The following SOS2 variants were observed in gnomAD, a reference collection of about 807,000 sequenced individuals.
SOS2 encodes the protein son of sevenless homolog 2.
In SOS2, 65 loss-of-function variants were observed where a neutral mutation model predicts 148.2. The ratio of observed to expected loss-of-function variants is 0.44; its 90% CI spans 0.36 to 0.54. The LOEUF is 0.54. Ranked by LOEUF, SOS2 falls within the 20% of genes least tolerant of loss-of-function variation. The pLI, the probability that SOS2 is intolerant of heterozygous loss-of-function variation, is 0.00. For missense variants in SOS2, 1,341 were observed against 1,590.2 expected (o/e 0.84, Z 2.67); for synonymous variants, 539 against 537.1 (o/e 1.00, Z -0.05).
chr14:50,215,632 T>C (rs900030725), intron 1 of SOS2: 2 of 219,412 alleles, frequency 9.1e-6, no homozygotes, highest in Non-Finnish European at 1.5e-5. Flanking sequence ...ATAAATAGAA[T>C]TGTTAGTGGG....
intron 9 of SOS2, 54 bp downstream of exon 9, chr14:50,161,428 T>G: frequency 6.8e-7 from 1 of 1,477,922 alleles, no homozygotes; most frequent in Non-Finnish European, 9.3e-7. Context: ...AAACCAGGCA[T>G]CAGAGACAGC....
intron 4 of SOS2, among the ~76,000 whole-genome samples, chr14:50,189,858 T>TA (rs33976102): frequency 1.4e-4 from 11 of 76,530 alleles, no homozygotes; most frequent in Admixed American, 5.5e-4. Context: ...TTATTTTTTT[T>TA]TTTTTTGTGA....
intron 5 of SOS2, among the ~76,000 whole-genome samples, chr14:50,186,695 G>T (rs938039817): frequency 6.6e-6 from 1 of 151,426 alleles, no homozygotes; most frequent in African/African-American, 2.4e-5. Context: ...TATCCCTCAG[G>T]ATTGTTATAA....
rs769210427 is a variant in SOS2, at chr14:50,159,473, C to T, written c.1810G>A (p.Val604Ile). The T allele has an allele frequency of 6.2e-7, 1 of 1,612,448 alleles. No homozygotes were observed. Among genetic ancestry groups the T allele is most frequent in the Admixed American group, 1.7e-5 (1 of 59,902 alleles). The part of the protein sequence containing the change: ...SGIPIIKGGT[V>I]VKLIERLTYH... ...GTTAACCTTTCAATTAATTTCACTA[C>T]AGTTCCTCCTTTAATAATGGGGATG... is the stretch of plus-strand genomic sequence containing the variant. Residue 604 changes from valine to isoleucine, a missense_variant, in exon 10 of 23, where the codon GTA becomes ATA. Val to Ile is a conservative substitution (Grantham distance 29, BLOSUM62 3). Transcript: ENST00000216373.
chr14:50,134,942 G>A (rs1005785074), intron 18 of SOS2, among the ~76,000 whole-genome samples: 2 of 151,398 alleles, frequency 1.3e-5, no homozygotes, highest in East Asian at 1.9e-4. Context: ...GCGTGGTGGC[G>A]CATGCCTGTA....
rs758698541 is a variant in SOS2 at position 50,145,507 on chromosome 14, T to C, written c.2474A>G (p.His825Arg). 2.5e-6 allele frequency: 4 copies of C among 1,606,746 alleles called. No individual in the cohort carries two copies. The East Asian group carries it at 6.7e-5, about 27-fold the overall frequency. Residue 825 changes from histidine to arginine, a missense_variant, in exon 15 of 23, where the codon CAT (histidine) becomes CGT (arginine). By Grantham distance (29) the His-to-Arg change is conservative. Transcript: ENST00000216373. ...AAACCAGAGGGTGAGATTTGTGGTA[T>C]GGCGAATCATTTTTAATAAATTTGG... is the stretch of plus-strand genomic sequence containing the variant. ...NSPNLLKMIRHTTNLTLWFEK... is the reference protein window; with the variant it reads ...NSPNLLKMIRRTTNLTLWFEK...
chr14:50,192,677 A>T (rs1424989901), intron 4 of SOS2, among the ~76,000 whole-genome samples: 1 of 152,184 alleles, frequency 6.6e-6, no homozygotes, highest in Non-Finnish European at 1.5e-5. Context: ...CAGCCTGGCC[A>T]ACACGGCAAA....
At chr14:50,228,227 A>G (rs1017146178) in intron 1 of SOS2, among the ~76,000 whole-genome samples, 2 of 151,996 alleles carry the variant, frequency 1.3e-5, no homozygotes, top group Non-Finnish European at 1.5e-5. Context: ...ATTTTTTAGT[A>G]GAGACGGGGT....
chr14:50,178,647 AGTGTGT>A (rs1291991897), intron 7 of SOS2, among the ~76,000 whole-genome samples: 2 of 89,218 alleles, frequency 2.2e-5, no homozygotes, highest in Non-Finnish European at 4.3e-5. Flanking sequence ...CATGCCCGCT[AGTGTGT>A]GTGTGTGTGT....
chr14:50,175,429 T>A (rs1396587672), intron 7 of SOS2, among the ~76,000 whole-genome samples: 3 of 67,386 alleles, frequency 4.5e-5, no homozygotes, highest in South Asian at 4.0e-4. Flanking sequence ...GGAGTAATAC[T>A]TTTTTTTTTT....
At chr14:50,231,773 C>T (rs1480898005), upstream of SOS2, among the ~76,000 whole-genome samples, 2 of 152,184 alleles carry the variant, frequency 1.3e-5, no homozygotes, top group Non-Finnish European at 2.9e-5. Context: ...CTCGAGTCAC[C>T]TCCACAGAGC....
At chr14:50,163,034 T>C (rs555303093) in intron 8 of SOS2, among the ~76,000 whole-genome samples, 48 of 151,760 alleles carry the variant, frequency 3.2e-4, no homozygotes, top group African/African-American at 1.1e-3. Flanking sequence ...CCCAAGTAGC[T>C]AGAACTACAG....
chr14:50,143,661 C>T (rs780652171), intron 16 of SOS2, among the ~76,000 whole-genome samples: 35 of 152,008 alleles, frequency 2.3e-4, no homozygotes, highest in Non-Finnish European at 7.4e-5. Context: ...AGGCTGGTAT[C>T]GAACTCCTGA....
In SOS2 at chr14:50,160,090, GA is replaced by G. The variant is rs1445295154; in HGVS notation, c.1197-5del. On this transcript the variant is annotated splice_region_variant and splice_polypyrimidine_tract_variant and intron_variant, in intron 9 of 22. Transcript: ENST00000216373. ...ATAAAAAGGGCAAACAGGATCTCTAGAAAAAACAAACAATATAGCTTATTCA... is the reference window on the plus strand; with the variant it reads ...ATAAAAAGGGCAAACAGGATCTCTAGAAAAACAAACAATATAGCTTATTCA... The G allele has an allele frequency of 1.2e-5, 20 of 1,602,042 alleles. No individual in the cohort carries two copies. The highest frequency in any genetic ancestry group is 1.6e-5 in the Non-Finnish European group (19 of 1,174,620).
At chr14:50,178,643 C>T (rs1449057306) in intron 7 of SOS2, among the ~76,000 whole-genome samples, 3 of 145,582 alleles carry the variant, frequency 2.1e-5, no homozygotes, top group Admixed American at 6.9e-5. Flanking sequence ...CCACCATGCC[C>T]GCTAGTGTGT....
chr14:50,125,025 TC>T (rs1319427194), intron 21 of SOS2, among the ~76,000 whole-genome samples: 1 of 152,180 alleles, frequency 6.6e-6, no homozygotes, highest in Non-Finnish European at 1.5e-5. Context: ...TGAATTGTGT[TC>T]CCCCAAAGAT....
intron 4 of SOS2, among the ~76,000 whole-genome samples, chr14:50,191,415 G>A (rs1335193199): frequency 3.3e-5 from 5 of 152,174 alleles, no homozygotes; most frequent in African/African-American, 1.2e-4. Context: ...GCTGCAGTGA[G>A]CTAATATTGT....
At chr14:50,120,147 A>G in intron 22 of SOS2, 128 bp downstream of exon 22, 1 of 583,228 alleles carries the variant, frequency 1.7e-6, no homozygotes, top group Non-Finnish European at 3.0e-6. Flanking sequence ...TTTTTCAAAT[A>G]TAACAACCCA....
At chr14:50,223,766 A>C (rs948297157) in intron 1 of SOS2, among the ~76,000 whole-genome samples, 1 of 152,056 alleles carries the variant, frequency 6.6e-6, no homozygotes, top group Non-Finnish European at 1.5e-5. Flanking sequence ...AGGTGGGAGG[A>C]TCATTGAGCC....
Sources: gnomAD v4.1 joint callset for allele counts (sites outside exome capture counted in the v4.1 genomes callset) on GRCh38, gnomAD v4.1.1 for gene constraint, MANE v1.5 for transcripts, NCBI Gene and HGNC (gene_info 2026-07-23, HGNC 2026-07-21) for gene names.